ETFDH: variants seen among roughly 807,000 people sequenced by gnomAD.
ETFDH encodes the protein electron transfer flavoprotein-ubiquinone oxidoreductase, mitochondrial.
A neutral mutation model predicts 73.2 loss-of-function variants in ETFDH; 61 were observed. The ratio of observed to expected loss-of-function variants is 0.83; its 90% CI spans 0.68 to 1.03. ETFDH has a LOEUF of 1.03. Among genes scored for constraint, ETFDH ranks in the 50% least tolerant of loss-of-function variants. The probability of loss-of-function intolerance (pLI) is 0.00; values close to 1 mark genes in which losing one functional copy is unlikely to be tolerated. For missense variants in ETFDH, 685 were observed against 745.0 expected (o/e 0.92, Z 0.94); for synonymous variants, 243 against 253.3 (o/e 0.96, Z 0.39).
intron 9 of ETFDH, chr4:158,700,557 C>G (rs1306636168): frequency 1.7e-5 from 1 of 57,214 alleles, no homozygotes; most frequent in East Asian, 5.9e-4. Flanking sequence ...CTCCCCCCAC[C>G]ACACACACAC....
chr4:158,705,114 A>C (rs1032129783), intron 10 of ETFDH, among the ~76,000 whole-genome samples: 3 of 152,196 alleles, frequency 2.0e-5, no homozygotes, highest in African/African-American at 4.8e-5. Context: ...AAAAGTAGTC[A>C]TGTGGAGTCC....
At chr4:158,707,250 T>G (rs1012558849) in intron 12 of ETFDH, among the ~76,000 whole-genome samples, 4 of 152,230 alleles carry the variant, frequency 2.6e-5, no homozygotes, top group African/African-American at 9.6e-5. Context: ...ACCATGAATA[T>G]TCTTTCAGTG....
chr4:158,687,384 C>T (rs1056977821), intron 5 of ETFDH, among the ~76,000 whole-genome samples: 2 of 152,156 alleles, frequency 1.3e-5, no homozygotes, highest in African/African-American at 4.8e-5. Flanking sequence ...TGTCAAAGCA[C>T]CATATTTTGG....
intron 1 of ETFDH, among the ~76,000 whole-genome samples, chr4:158,676,777 G>A (rs1580391211): frequency 6.6e-6 from 1 of 152,248 alleles, no homozygotes; most frequent in East Asian, 1.9e-4. Context: ...TACCTCATGT[G>A]GCTTTGGTTT....
intron 1 of ETFDH, 137 bp from the exon 2 acceptor site, chr4:158,680,330 A>G (rs1035530852): frequency 3.2e-6 from 2 of 618,974 alleles, no homozygotes; most frequent in South Asian, 2.0e-5. Flanking sequence ...AGAAAAAGCT[A>G]TTCAAAGTGT....
chr4:158,682,756 A>G (rs562575766), intron 3 of ETFDH, among the ~76,000 whole-genome samples: 2 of 152,226 alleles, frequency 1.3e-5, no homozygotes, highest in Admixed American at 1.3e-4. Context: ...ACTGGTCTCG[A>G]ACTCCTGACC....
chr4:158,678,711 G>A (rs986822878), intron 1 of ETFDH, among the ~76,000 whole-genome samples: 1 of 147,814 alleles, frequency 6.8e-6, no homozygotes, highest in African/African-American at 2.5e-5. Context: ...ACAGTGACGT[G>A]GTCCTAGCTC....
intron 9 of ETFDH, chr4:158,700,898 A>G (rs961881669): frequency 6.6e-6 from 1 of 152,220 alleles, no homozygotes; most frequent in South Asian, 2.1e-4. Flanking sequence ...GAAAGGATGC[A>G]GTCCAAGTGG....
rs1554033706 is a variant in ETFDH at position 158,709,019 on chromosome 4, T to TAGTTTGTGTGTGTG, written c.*492_*493insAGTTTGTGTGTGTG. On this transcript the variant is annotated 3_prime_UTR_variant, in exon 13 of 13. Transcript: ENST00000511912. ...GAAGTATGCCCATCCCTGAACAAGT[T>TAGTTTGTGTGTGTG]TGTGTGTGTGTGTGTGTGTGTGTGT... The TAGTTTGTGTGTGTG allele has an allele frequency of 6.7e-6, 1 of 150,336 alleles. No homozygotes were observed. The highest frequency in any genetic ancestry group is 2.6e-5 in the African/African-American group (1 of 37,778). The allele number at this position is 150,336 out of a possible 1,614,324, so 9.3% of individuals were successfully genotyped here.
chr4:158,684,081 CTGGCAA>C (rs989227817), intron 3 of ETFDH, among the ~76,000 whole-genome samples: 23 of 152,208 alleles, frequency 1.5e-4, no homozygotes, highest in African/African-American at 5.3e-4. Flanking sequence ...GGATGCAAAA[CTGGCAA>C]GAGGTTTATT....
At chr4:158,689,636 A>ATATAT (rs765147554) in intron 5 of ETFDH, among the ~76,000 whole-genome samples, 2 of 63,668 alleles carry the variant, frequency 3.1e-5, no homozygotes, top group South Asian at 5.8e-4. Context: ...ATATATATAT[A>ATATAT]TTGTGGGGGG....
At chr4:158,698,394 T>C (rs1774366876) in intron 8 of ETFDH, among the ~76,000 whole-genome samples, 1 of 152,192 alleles carries the variant, frequency 6.6e-6, no homozygotes, top group Non-Finnish European at 1.5e-5. Context: ...GTGACTTAAT[T>C]GTATCAAAGG....
chr4:158,702,540 A>G (rs1774491817), intron 9 of ETFDH, among the ~76,000 whole-genome samples: 1 of 151,504 alleles, frequency 6.6e-6, no homozygotes, highest in African/African-American at 2.4e-5. Context: ...TCAACTTTTT[A>G]AGTTTCCATA....
At position 158,672,415 on chromosome 4, in the gene ETFDH, T is replaced by C; in HGVS notation, c.-42T>C. On this transcript the variant is annotated 5_prime_UTR_variant, in exon 1 of 13. Transcript: ENST00000511912. ...AGCGCCCGCCGCGAGCAGCGGACAG[T>C]CCTCCTGTTGTGTCCGACCGAGAGT... 3.7e-6 allele frequency: 6 copies of C among 1,611,792 alleles called. No homozygotes were observed. Among genetic ancestry groups the C allele is most frequent in the Non-Finnish European group, 5.1e-6 (6 of 1,177,986 alleles).
Position 158,708,507 on chromosome 4 carries a change from C to A in ETFDH, c.1834C>A (p.Pro612Thr), listed in dbSNP as rs1774704452. ...NWVVPEGGGG[P>T]AYNGM ...GGTGGTACCTGAAGGTGGAGGAGGACCTGCTTACAATGGAATGTAAACTGC... is the reference window on the plus strand; with the variant it reads ...GGTGGTACCTGAAGGTGGAGGAGGAACTGCTTACAATGGAATGTAAACTGC... The change falls in exon 13 of 13, where the codon CCT (proline) becomes ACT (threonine). Residue 612 changes from proline to threonine, a missense_variant. Around this residue, in one of 3 missense-constraint regions of ETFDH, gnomAD observed 201 missense variants for 225.2 expected, o/e 0.89. Coordinates refer to ENST00000511912, the MANE Select transcript of ETFDH (RefSeq NM_004453.4). 6.2e-7 allele frequency: 1 copy of A among 1,613,432 alleles called. No homozygotes were observed. Among genetic ancestry groups the A allele is most frequent in the African/African-American group, 1.3e-5 (1 of 74,856 alleles).
chr4:158,694,407 A>G (rs1580410585), intron 6 of ETFDH, among the ~76,000 whole-genome samples: 1 of 152,260 alleles, frequency 6.6e-6, no homozygotes, highest in Non-Finnish European at 1.5e-5. Flanking sequence ...AGCCTGGCCA[A>G]CATGGTGAAA....
At chr4:158,695,720 ATAC>A in intron 7 of ETFDH, 77 bp downstream of exon 7, 1 of 945,830 alleles carries the variant, frequency 1.1e-6, no homozygotes, top group Non-Finnish European at 1.7e-6. Flanking sequence ...GTAGTTTATA[ATAC>A]TGATTTAATT....
intron 5 of ETFDH, among the ~76,000 whole-genome samples, chr4:158,685,674 T>C (rs1379989172): frequency 6.6e-6 from 1 of 152,180 alleles, no homozygotes; most frequent in Non-Finnish European, 1.5e-5. Flanking sequence ...CTCTGAAGGT[T>C]CACCAGAAAT....
At chr4:158,683,671 C>T (rs987637282) in intron 3 of ETFDH, among the ~76,000 whole-genome samples, 3 of 152,084 alleles carry the variant, frequency 2.0e-5, no homozygotes, top group African/African-American at 4.8e-5. Flanking sequence ...CCTCAACCTC[C>T]GGGGCTCAAG....
Sources: gnomAD v4.1 joint callset for allele counts (sites outside exome capture counted in the v4.1 genomes callset) on GRCh38, gnomAD v4.1.1 for gene constraint, gnomAD v4.1.1 regional missense constraint, MANE v1.5 for transcripts, NCBI Gene and HGNC (gene_info 2026-07-23, HGNC 2026-07-21) for gene names.